Variants in NFKBIZ observed in about 807,000 individuals in gnomAD.
The protein encoded by NFKBIZ is NFKB inhibitor zeta.
Under a neutral mutation model 76.8 loss-of-function variants are expected in NFKBIZ, and 19 were observed. That is an observed-to-expected ratio of 0.25 (90% CI 0.17 to 0.36). NFKBIZ has a LOEUF of 0.36. Ranked by LOEUF, NFKBIZ falls within the 10% of genes least tolerant of loss-of-function variation. The pLI, the probability that NFKBIZ is intolerant of heterozygous loss-of-function variation, is 1.00. For synonymous variants in NFKBIZ, 368 were observed against 354.8 expected (o/e 1.04, Z -0.42); for missense variants, 829 against 910.9 (o/e 0.91, Z 1.16).
intron 2 of NFKBIZ, among the ~76,000 whole-genome samples, chr3:101,842,098 G>A (rs1942792271): frequency 6.6e-6 from 1 of 152,166 alleles, no homozygotes; most frequent in Admixed American, 6.5e-5. Context: ...GTCTGTGTGG[G>A]GACTGAGAGG....
chr3:101,857,981 A>AT (rs5851286), intron 11 of NFKBIZ: 98,365 of 820,904 alleles, frequency 0.12, 6,759 homozygotes, highest in South Asian at 0.25. Flanking sequence ...ACCTAGAAAT[A>AT]TTTTGTTTTA....
rs750510409 is a variant in NFKBIZ at position 101,852,740 on chromosome 3, A to G, written c.432A>G (p.Thr144=). Residue 144 remains threonine, a splice_region_variant and synonymous_variant, in exon 3 of 12, where the codon ACA becomes ACG. Transcript: ENST00000326172. ...ATTGGAAACTTTTTTCTTTATAGAC[A>G]CAAGGTGTGAACATAGAACAGTTCA... ...ASGQAVDDFK[T]QGVNIEQFRE... is the part of the protein sequence containing the mutation. The G allele has an allele frequency of 1.2e-6, 2 of 1,605,730 alleles. No individual in the cohort carries two copies.
rs2107426108 is a variant in NFKBIZ, at chr3:101,859,615, C to T, written c.*244C>T. On this transcript the variant is annotated 3_prime_UTR_variant, in exon 12 of 12. Coordinates refer to ENST00000326172, the MANE Select transcript of NFKBIZ (RefSeq NM_031419.4). Reference sequence around the variant, plus strand: ...GGATCTAGACATCTGAATTTGATCTCAATGGTAACATTGCCTTCAATTAAC... The same window carrying T: ...GGATCTAGACATCTGAATTTGATCTTAATGGTAACATTGCCTTCAATTAAC... 6.3e-6 allele frequency: 2 copies of T among 319,876 alleles called. No homozygotes were observed. The highest frequency in any genetic ancestry group is 9.7e-5 in the East Asian group (2 of 20,644). The allele number at this position is 319,876 out of a possible 1,614,324, so 19.8% of individuals were successfully genotyped here.
intron 9 of NFKBIZ, chr3:101,856,865 G>A (rs1372238614): frequency 2.1e-6 from 1 of 483,224 alleles, no homozygotes; most frequent in African/African-American, 2.0e-5. Flanking sequence ...ATTGTGACAA[G>A]AGGCATATAG....
intron 9 of NFKBIZ, among the ~76,000 whole-genome samples, chr3:101,856,325 C>T (rs1943049312): frequency 6.6e-6 from 1 of 152,224 alleles, no homozygotes; most frequent in Non-Finnish European, 1.5e-5. Context: ...GCTGGGATTA[C>T]AGGCGTGAGC....
upstream of NFKBIZ, chr3:101,849,471 C>G (rs1942910091): frequency 1.8e-6 from 1 of 562,598 alleles, no homozygotes; most frequent in Non-Finnish European, 2.6e-6. Context: ...GGTCGGCGAG[C>G]GCTGCGGCCC....
intron 2 of NFKBIZ, among the ~76,000 whole-genome samples, chr3:101,840,733 G>T (rs557745749): frequency 1.3e-5 from 2 of 152,212 alleles, no homozygotes; most frequent in Non-Finnish European, 2.9e-5. Flanking sequence ...GTTCAACTGT[G>T]TGACCTGACT....
intron 2 of NFKBIZ, among the ~76,000 whole-genome samples, chr3:101,834,836 C>T (rs965064550): frequency 6.6e-6 from 1 of 152,184 alleles, no homozygotes; most frequent in African/African-American, 2.4e-5. Flanking sequence ...CCACTGTGAT[C>T]GTGTTTTTAT....
chr3:101,858,680 C>T (rs563709638), intron 11 of NFKBIZ, among the ~76,000 whole-genome samples: 1 of 152,292 alleles, frequency 6.6e-6, no homozygotes, highest in East Asian at 1.9e-4. Flanking sequence ...GTATCCCCTA[C>T]CCCAATCGCC....
Position 101,853,134 on chromosome 3 carries a change from T to A in NFKBIZ, c.608T>A (p.Val203Asp). ...TPTPGESMED[V>D]HLNEPKQESS... ...ACGCCCGGGGAGAGCATGGAAGATG[T>A]TCATCTCAATGAACCCAAACAGGAG... is the stretch of plus-strand genomic sequence containing the variant. Residue 203 changes from valine (V) to aspartate (D), a missense_variant, in exon 5 of 12, where the codon GTT becomes GAT. Around this residue, in one of 4 missense-constraint regions of NFKBIZ, gnomAD observed 371 missense variants for 332.3 expected, o/e 1.12. Coordinates refer to ENST00000326172, the MANE Select transcript of NFKBIZ (RefSeq NM_031419.4). 6.2e-7 allele frequency: 1 copy of A among 1,614,146 alleles called. No individual in the cohort carries two copies. The highest frequency in any genetic ancestry group is 2.2e-5 in the East Asian group (1 of 44,884).
In NFKBIZ at chr3:101,852,218, T is replaced by G; in HGVS notation, c.423T>G (p.Asp141Glu). 1 of 1,613,770 alleles carries G rather than the reference T, an allele frequency of 6.2e-7. No individual in the cohort carries two copies. Among genetic ancestry groups the G allele is most frequent in the Non-Finnish European group, 8.5e-7 (1 of 1,179,898 alleles). The change falls in exon 2 of 12, where the codon GAT becomes GAG. Residue 141 changes from aspartate to glutamate, a missense_variant. By Grantham distance (45) the Asp-to-Glu change is conservative. Coordinates refer to ENST00000326172, the MANE Select transcript of NFKBIZ (RefSeq NM_031419.4). ...AGGCTTCTGGCCAAGCTGTGGATGA[T>G]TTTAAGGTGACATCTATTTTTCTGT... The part of the protein sequence containing the change: ...KQKASGQAVD[D>E]FKTQGVNIEQ...
upstream of NFKBIZ, among the ~76,000 whole-genome samples, chr3:101,848,249 C>T (rs1560085828): frequency 6.6e-6 from 1 of 152,214 alleles, no homozygotes; most frequent in Non-Finnish European, 1.5e-5. Flanking sequence ...AGGTGCTCCA[C>T]CCAAAGGCAC....
chr3:101,855,513 C>G (rs1943036724), intron 8 of NFKBIZ, 55 bp downstream of exon 8: 2 of 1,482,246 alleles, frequency 1.3e-6, no homozygotes, highest in Non-Finnish European at 1.9e-6. Flanking sequence ...ACCATAAGGT[C>G]TAAGGGTGCT....
chr3:101,840,149 G>A (rs1235754222), intron 2 of NFKBIZ, among the ~76,000 whole-genome samples: 2 of 152,150 alleles, frequency 1.3e-5, no homozygotes, highest in Non-Finnish European at 2.9e-5. Context: ...TTAGGAGGAT[G>A]CTTTCATTCA....
upstream of NFKBIZ, among the ~76,000 whole-genome samples, chr3:101,847,173 T>C (rs929027693): frequency 6.6e-6 from 1 of 152,228 alleles, no homozygotes; most frequent in East Asian, 1.9e-4. Flanking sequence ...CTCACAGACA[T>C]ACCCCAAAAT....
intron 9 of NFKBIZ, among the ~76,000 whole-genome samples, chr3:101,856,517 G>A (rs539969861): frequency 2.0e-5 from 1 of 50,732 alleles, no homozygotes; most frequent in Admixed American, 2.2e-4. Flanking sequence ...CATACACTGA[G>A]AATAAAGGTG....
At chr3:101,850,778 A>C (rs1442034987) in intron 1 of NFKBIZ, among the ~76,000 whole-genome samples, 1 of 152,248 alleles carries the variant, frequency 6.6e-6, no homozygotes, top group African/African-American at 2.4e-5. Flanking sequence ...TATTTTAAAA[A>C]GTGATATCTC....
At position 101,855,474 on chromosome 3, in the gene NFKBIZ, T is replaced by G. The variant is rs1452916786; in HGVS notation, c.1654+16T>G. The G allele has an allele frequency of 1.2e-6, 2 of 1,611,152 alleles. No homozygotes were observed. The highest frequency in any genetic ancestry group is 2.7e-5 in the African/African-American group (2 of 74,852). On this transcript the variant is annotated intron_variant, in intron 8 of 11. Transcript: ENST00000326172. ...AACTATGATGGTAAGCAACTGAAAC[T>G]TTATTAGATTCAGAGCCACTTAGGG...
upstream of NFKBIZ, among the ~76,000 whole-genome samples, chr3:101,845,278 A>C (rs2107406037): frequency 6.6e-6 from 1 of 150,932 alleles, no homozygotes; most frequent in South Asian, 2.1e-4. Flanking sequence ...AAAAAAAGAA[A>C]AAAAAAATCC....
Sources: allele counts gnomAD v4.1 joint callset (sites outside exome capture counted in the v4.1 genomes callset), GRCh38; gene constraint gnomAD v4.1.1; regional missense constraint gnomAD v4.1.1; transcripts MANE v1.5; gene names NCBI Gene and HGNC (gene_info 2026-07-23, HGNC 2026-07-21).